The following ZBTB8A variants were observed in gnomAD, a reference collection of about 807,000 sequenced individuals.
ZBTB8A encodes the protein zinc finger and BTB domain containing 8A.
In ZBTB8A, 19 loss-of-function variants were observed where a neutral mutation model predicts 37.8. The observed-to-expected ratio is 0.50, with a 90% CI of 0.35 to 0.74. ZBTB8A has a LOEUF of 0.74. ZBTB8A is among the 30% of genes least tolerant of loss of function. The pLI, the probability that ZBTB8A is intolerant of heterozygous loss-of-function variation, is 0.01. For synonymous variants in ZBTB8A, 181 were observed against 185.2 expected, an observed-to-expected ratio of 0.98 and a Z score of 0.19; for missense variants, 394 against 537.8, an observed-to-expected ratio of 0.73 and a Z score of 2.65.
chr1:32,599,418 A>G (rs1425895511), intron 4 of ZBTB8A, among the ~76,000 whole-genome samples: 1 of 151,902 alleles, frequency 6.6e-6, no homozygotes. Context: ...GCGAGACCCT[A>G]TTTTAAAAAT....
chr1:32,577,064 A>G (rs1443616444), intron 2 of ZBTB8A, among the ~76,000 whole-genome samples: 1 of 145,636 alleles, frequency 6.9e-6, no homozygotes. Context: ...TAGTAAAGAC[A>G]GGGTTTCACC....
At chr1:32,560,515 T>TTTG (rs528361804) in intron 2 of ZBTB8A, among the ~76,000 whole-genome samples, 10 of 151,976 alleles carry the variant, frequency 6.6e-5, no homozygotes, top group South Asian at 2.1e-4. Flanking sequence ...TTCAGCGTTT[T>TTTG]TTGTTGTTGT....
intron 2 of ZBTB8A, among the ~76,000 whole-genome samples, chr1:32,583,951 G>C (rs1644426499): frequency 6.6e-6 from 1 of 152,030 alleles, no homozygotes; most frequent in African/African-American, 2.4e-5. Flanking sequence ...ACCATGTTGA[G>C]CTTACCATGG....
At position 32,602,016 on chromosome 1, in the gene ZBTB8A, C is replaced by T. The variant is rs1467311018; in HGVS notation, c.*1597C>T. ...AATATTTTCAAAACAAACTTTTCTCCTAGTATACAAAGTTTAAACTTCTCC... is the reference window on the plus strand; with the variant it reads ...AATATTTTCAAAACAAACTTTTCTCTTAGTATACAAAGTTTAAACTTCTCC... On this transcript the variant is annotated 3_prime_UTR_variant, in exon 5 of 5. Transcript: ENST00000373510. The T allele has an allele frequency of 5.5e-6, 1 of 182,642 alleles. No individual in the cohort carries two copies. The highest frequency in any genetic ancestry group is 1.3e-4 in the East Asian group (1 of 7,842). 11.3% of individuals were successfully genotyped at this position (182,642 alleles called of 1,614,324 possible).
chr1:32,576,345 G>GT (rs1644358868), intron 2 of ZBTB8A, among the ~76,000 whole-genome samples: 2 of 152,156 alleles, frequency 1.3e-5, no homozygotes, highest in African/African-American at 2.4e-5. Flanking sequence ...TTCTTCAAAT[G>GT]TTTTTTCTGT....
At chr1:32,588,212 A>C (rs1296163591) in intron 2 of ZBTB8A, among the ~76,000 whole-genome samples, 1 of 152,144 alleles carries the variant, frequency 6.6e-6, no homozygotes, top group Non-Finnish European at 1.5e-5. Context: ...ATAGCTGGTT[A>C]GTCAGAAGCA....
intron 4 of ZBTB8A, among the ~76,000 whole-genome samples, chr1:32,597,131 C>T (rs931871570): frequency 6.6e-5 from 10 of 152,038 alleles, no homozygotes; most frequent in Admixed American, 5.3e-4. Context: ...CTCAGCCTCC[C>T]GAGTAGCTGG....
At chr1:32,544,031 G>T (rs1003839665) in intron 1 of ZBTB8A, among the ~76,000 whole-genome samples, 1 of 152,136 alleles carries the variant, frequency 6.6e-6, no homozygotes, top group Non-Finnish European at 1.5e-5. Flanking sequence ...TTGTGGTGGC[G>T]TAATCCTGGC....
intron 3 of ZBTB8A, among the ~76,000 whole-genome samples, chr1:32,594,704 T>C (rs1644516212): frequency 6.6e-6 from 1 of 151,242 alleles, no homozygotes. Context: ...AGGCAGAGGT[T>C]GCAGTGAGTG....
rs534578660 is a variant in ZBTB8A, at chr1:32,552,525, G to A, written c.-83-934G>A. On this transcript the variant is annotated intron_variant, in intron 1 of 4. Coordinates refer to ENST00000373510, the MANE Select transcript of ZBTB8A (RefSeq NM_001040441.3). ...CTAAAAATACAAAAATATTAGCCAGGCGTGATGGTGTGTGCCGGTAATCCC... is the reference window on the plus strand; with the variant it reads ...CTAAAAATACAAAAATATTAGCCAGACGTGATGGTGTGTGCCGGTAATCCC... Among the ~76,000 whole-genome samples the A allele has an allele frequency of 1.1e-3, 160 of 152,096 alleles. 1 individual carries two copies. The highest frequency in any genetic ancestry group is 3.7e-3 in the African/African-American group (155 of 41,480).
chr1:32,576,082 C>G (rs1244483022), intron 2 of ZBTB8A, among the ~76,000 whole-genome samples: 1 of 152,132 alleles, frequency 6.6e-6, no homozygotes, highest in Non-Finnish European at 1.5e-5. Context: ...GCCTGAATGC[C>G]TACCTGCTTT....
rs1644568179 is a variant in ZBTB8A at position 32,600,534 on chromosome 1, A to G, written c.*115A>G. The G allele has an allele frequency of 4.0e-6, 3 of 759,290 alleles. No homozygotes were observed. Among genetic ancestry groups the G allele is most frequent in the Non-Finnish European group, 6.3e-6 (3 of 474,168 alleles). The allele number at this position is 759,290 out of a possible 1,614,324, so 47.0% of individuals were successfully genotyped here. A position where few individuals can be genotyped will look rare whatever the true frequency, so the allele number is the denominator to read the frequency against. On this transcript the variant is annotated 3_prime_UTR_variant, in exon 5 of 5. Coordinates refer to ENST00000373510, the MANE Select transcript of ZBTB8A (RefSeq NM_001040441.3). ...AATTTATCACACTGACTTTAAAGAA[A>G]TGATCTGATATAACTTGCATGCTTT...
intron 2 of ZBTB8A, among the ~76,000 whole-genome samples, chr1:32,562,518 G>GCCTCGGC (rs1213849959): frequency 1.1e-4 from 16 of 149,192 alleles, no homozygotes; most frequent in African/African-American, 3.7e-4. Context: ...TGATCCGCCT[G>GCCTCGGC]CCTCGGCCTC....
intron 1 of ZBTB8A, among the ~76,000 whole-genome samples, chr1:32,546,179 C>T (rs1644102331): frequency 6.6e-6 from 1 of 152,212 alleles, no homozygotes; most frequent in Admixed American, 6.5e-5. Flanking sequence ...TACAGTGGCT[C>T]ACACGTGTAA....
intron 2 of ZBTB8A, among the ~76,000 whole-genome samples, chr1:32,567,825 A>AAAAAAAAAAC (rs1644294123): frequency 3.8e-4 from 24 of 63,688 alleles, no homozygotes; most frequent in Non-Finnish European, 6.1e-4. Flanking sequence ...AAAAAAAAAC[A>AAAAAAAAAAC]AAAACAAAAC....
intron 2 of ZBTB8A, among the ~76,000 whole-genome samples, chr1:32,582,808 G>A (rs575128663): frequency 9.9e-4 from 150 of 152,196 alleles, no homozygotes; most frequent in African/African-American, 3.4e-3. Flanking sequence ...CCAGAAACAA[G>A]GTCATATAAG....
intron 2 of ZBTB8A, among the ~76,000 whole-genome samples, chr1:32,568,291 CTT>C: frequency 6.6e-6 from 1 of 152,012 alleles, no homozygotes; most frequent in Middle Eastern, 3.4e-3. Context: ...TCCCTCATGC[CTT>C]TTTTTTCTTA....
At chr1:32,593,874 AAAAG>A in intron 3 of ZBTB8A, 120 bp downstream of exon 3, 1 of 768,914 alleles carries the variant, frequency 1.3e-6, no homozygotes, top group Non-Finnish European at 2.0e-6. Context: ...GATTTTTTTC[AAAAG>A]TTCTATTTTT....
intron 2 of ZBTB8A, among the ~76,000 whole-genome samples, chr1:32,571,195 A>T (rs1273155610): frequency 2.0e-5 from 3 of 152,138 alleles, no homozygotes; most frequent in Non-Finnish European, 4.4e-5. Flanking sequence ...TATTTCTTTA[A>T]CATCTCTTAC....
Sources: gnomAD v4.1 joint callset for allele counts (sites outside exome capture counted in the v4.1 genomes callset) on GRCh38, gnomAD v4.1.1 for gene constraint, MANE v1.5 for transcripts, NCBI Gene and HGNC (gene_info 2026-07-23, HGNC 2026-07-21) for gene names.